Variants in CRISP1 observed in about 807,000 individuals in gnomAD.
The protein encoded by CRISP1 is cysteine-rich secretory protein 1.
CRISP1 carries 44 observed loss-of-function variants against 33.1 expected under a neutral mutation model. That is an observed-to-expected ratio of 1.33 (90% CI 1.05 to 1.71). CRISP1 has a LOEUF of 1.71. Ranked by LOEUF, CRISP1 falls within the 40% of genes most tolerant of loss-of-function variation. The pLI is 0.00. For synonymous variants in CRISP1, 103 were observed against 98.7 expected (o/e 1.04, Z -0.26); for missense variants, 390 against 301.2 (o/e 1.29, Z -2.18).
intron 1 of CRISP1, among the ~76,000 whole-genome samples, chr6:49,865,686 G>T (rs1410390916): frequency 1.3e-5 from 2 of 152,242 alleles, no homozygotes; most frequent in East Asian, 3.9e-4. Flanking sequence ...GATAGAAACT[G>T]GAAAGGGAGT....
intron 7 of CRISP1, among the ~76,000 whole-genome samples, chr6:49,836,675 A>G (rs1770808771): frequency 6.6e-6 from 1 of 152,080 alleles, no homozygotes; most frequent in Non-Finnish European, 1.5e-5. Context: ...CTTACTGTTT[A>G]TTATTTTAGT....
At chr6:49,865,315 A>T (rs969580017) in intron 1 of CRISP1, among the ~76,000 whole-genome samples, 4 of 152,198 alleles carry the variant, frequency 2.6e-5, no homozygotes, top group Non-Finnish European at 4.4e-5. Flanking sequence ...GATTCTGATA[A>T]CTACCTTCCA....
At chr6:49,873,762 T>G (rs940367762) in intron 1 of CRISP1, among the ~76,000 whole-genome samples, 1 of 149,284 alleles carries the variant, frequency 6.7e-6, no homozygotes, top group Non-Finnish European at 1.5e-5. Context: ...ATAAAATATT[T>G]AAAGTTTTTT....
rs151220279 is a variant in CRISP1, at chr6:49,859,573, A to G, written c.-2-2171T>C. On this transcript the variant is annotated intron_variant, in intron 1 of 7. Coordinates refer to ENST00000335847, the MANE Select transcript of CRISP1 (RefSeq NM_001131.3). ...TAAAGGAGCCCTACACATGGAAGTG[A>G]AAAGATATCTACCATCATGAAAACA... Among the ~76,000 whole-genome samples, 5 of 152,312 alleles carry G rather than the reference A, an allele frequency of 3.3e-5. No homozygotes were observed. The East Asian group carries it at 9.7e-4, about 29-fold the overall frequency.
At chr6:49,865,072 A>C (rs112764209) in intron 1 of CRISP1, among the ~76,000 whole-genome samples, 6 of 152,320 alleles carry the variant, frequency 3.9e-5, no homozygotes, top group Non-Finnish European at 5.9e-5. Flanking sequence ...AAGCTGTAGG[A>C]TTTACAATAC....
chr6:49,852,677 C>T (rs1771385034), intron 2 of CRISP1, among the ~76,000 whole-genome samples: 1 of 152,166 alleles, frequency 6.6e-6, no homozygotes, highest in Non-Finnish European at 1.5e-5. Context: ...AACATCAATG[C>T]TCTCAAGTGT....
chr6:49,847,011 C>T (rs1269628803), intron 4 of CRISP1, among the ~76,000 whole-genome samples: 2 of 152,116 alleles, frequency 1.3e-5, no homozygotes, highest in Non-Finnish European at 2.9e-5. Context: ...GGAAGCTACA[C>T]ACAGGTGTTC....
chr6:49,852,394 T>C lies in CRISP1; in HGVS notation c.67-265A>G, dbSNP rs543688462. Among the ~76,000 whole-genome samples, 11 of 152,306 alleles carry C rather than the reference T, an allele frequency of 7.2e-5. 1 individual carries two copies. In the South Asian group the frequency reaches 2.1e-3, roughly 29 times the overall value. On this transcript the variant is annotated intron_variant, in intron 2 of 7. Transcript: ENST00000335847. ...ATTAGGGTTTTTCCAGGTTCATACT[T>C]TGGACCATGTTGAAGCACTTTTTAT...
At chr6:49,862,434 G>A (rs1384074008) in intron 1 of CRISP1, among the ~76,000 whole-genome samples, 1 of 151,710 alleles carries the variant, frequency 6.6e-6, no homozygotes, top group East Asian at 1.9e-4. Flanking sequence ...CACACAATCT[G>A]CATATTTTAC....
intron 5 of CRISP1, among the ~76,000 whole-genome samples, chr6:49,845,881 CA>C (rs1389483024): frequency 6.6e-6 from 1 of 151,978 alleles, no homozygotes; most frequent in Admixed American, 6.6e-5. Flanking sequence ...AAAGCAGACA[CA>C]AAAGGACAAA....
intron 1 of CRISP1, among the ~76,000 whole-genome samples, chr6:49,873,068 T>A (rs545078289): frequency 1.3e-5 from 2 of 151,982 alleles, no homozygotes; most frequent in East Asian, 3.9e-4. Flanking sequence ...ATACCTAATG[T>A]TAAATGACGA....
upstream of CRISP1, among the ~76,000 whole-genome samples, chr6:49,868,639 T>A (rs1771854817): frequency 1.3e-5 from 2 of 152,182 alleles, no homozygotes; most frequent in Admixed American, 1.3e-4. Context: ...ATTCTGGCTG[T>A]GGCTTTATTC....
At chr6:49,844,454 C>T (rs1771093069) in intron 5 of CRISP1, among the ~76,000 whole-genome samples, 1 of 152,290 alleles carries the variant, frequency 6.6e-6, no homozygotes, top group African/African-American at 2.4e-5. Flanking sequence ...ATGCCCACTA[C>T]AGGTCCAGGG....
chr6:49,870,911 A>G (rs1231491339), upstream of CRISP1, among the ~76,000 whole-genome samples: 1 of 151,988 alleles, frequency 6.6e-6, no homozygotes. Context: ...AGCCTGGCCA[A>G]TCAATGTGGT....
intron 5 of CRISP1, among the ~76,000 whole-genome samples, chr6:49,844,175 C>G (rs559858959): frequency 6.6e-6 from 1 of 152,244 alleles, no homozygotes; most frequent in African/African-American, 2.4e-5. Context: ...AAGGATGTCG[C>G]TGAACAACCA....
At chr6:49,872,962 A>C (rs1171295311) in intron 1 of CRISP1, among the ~76,000 whole-genome samples, 1 of 152,006 alleles carries the variant, frequency 6.6e-6, no homozygotes, top group Non-Finnish European at 1.5e-5. Flanking sequence ...CTTGATGGGG[A>C]TGGCATTGAA....
At chr6:49,874,171 C>T (rs13220707) in intron 1 of CRISP1, among the ~76,000 whole-genome samples, 28,524 of 151,794 alleles carry the variant, frequency 0.19, 3,434 homozygotes, top group Non-Finnish European at 0.26. Flanking sequence ...AAGCCAGAAA[C>T]CTAATGTAGT....
chr6:49,848,185 C>T (rs367639584), intron 4 of CRISP1, 24 bp downstream of exon 4: 50 of 1,293,010 alleles, frequency 3.9e-5, no homozygotes, highest in Admixed American at 7.0e-5. Flanking sequence ...AGTCCAAAGG[C>T]GGGTCATATA....
chr6:49,848,386 T>G (rs1173660742), intron 3 of CRISP1, 87 bp from the exon 4 acceptor site: 4 of 704,516 alleles, frequency 5.7e-6, no homozygotes, highest in Non-Finnish European at 4.6e-6. Context: ...CCACGAGATA[T>G]AATATCTTCA....
Sources: gnomAD v4.1 joint callset for allele counts (sites outside exome capture counted in the v4.1 genomes callset) on GRCh38, gnomAD v4.1.1 for gene constraint, MANE v1.5 for transcripts, NCBI Gene and HGNC (gene_info 2026-07-23, HGNC 2026-07-21) for gene names.